The following ANKRD11 variants were observed in gnomAD, a reference collection of about 807,000 sequenced individuals.
The protein encoded by ANKRD11 is ankyrin repeat domain 11.
A neutral mutation model predicts 195.7 loss-of-function variants in ANKRD11; 17 were observed. The observed-to-expected ratio is 0.09, with a 90% CI of 0.06 to 0.13. The LOEUF (loss-of-function observed/expected upper bound fraction) is 0.13, where lower values mean the gene tolerates loss of function less well. Ranked by LOEUF, ANKRD11 falls within the 10% of genes least tolerant of loss-of-function variation. The pLI is 1.00. For missense variants in ANKRD11, 3,735 were observed against 3,566.1 expected (o/e 1.05, Z -1.21); for synonymous variants, 1,953 against 1,528.1 (o/e 1.28, Z -6.49).
chr16:89,449,874 A>G (rs1435792400), intron 1 of ANKRD11, among the ~76,000 whole-genome samples: 2 of 107,006 alleles, frequency 1.9e-5, no homozygotes, highest in South Asian at 3.0e-4. Context: ...AGGTGACATG[A>G]TCAAAGTCAT....
intron 4 of ANKRD11, among the ~76,000 whole-genome samples, chr16:89,296,091 C>T (rs552468546): frequency 1.3e-5 from 2 of 150,334 alleles, no homozygotes; most frequent in East Asian, 2.0e-4. Context: ...CAGGCTCAAG[C>T]GACCCTCCCA....
intron 1 of ANKRD11, among the ~76,000 whole-genome samples, chr16:89,424,175 C>A (rs181895357): frequency 1.3e-5 from 2 of 152,284 alleles, no homozygotes; most frequent in East Asian, 3.9e-4. Flanking sequence ...CCTGGCTGGG[C>A]GCAGTGGCTC....
intron 2 of ANKRD11, among the ~76,000 whole-genome samples, chr16:89,408,768 A>C (rs1490650980): frequency 6.6e-6 from 1 of 152,218 alleles, no homozygotes; most frequent in Non-Finnish European, 1.5e-5. Context: ...CCTGAATTCA[A>C]ACCCTACTTC....
chr16:89,397,915 C>T (rs918347216), intron 2 of ANKRD11, among the ~76,000 whole-genome samples: 4 of 152,232 alleles, frequency 2.6e-5, no homozygotes, highest in East Asian at 3.9e-4. Flanking sequence ...GCAGGTGCCT[C>T]GGGTGGCAAC....
At chr16:89,301,463 G>A (rs2035849266) in intron 4 of ANKRD11, 1 of 397,978 alleles carries the variant, frequency 2.5e-6, no homozygotes, top group African/African-American at 2.1e-5. Flanking sequence ...GGCAGACAGG[G>A]CAGGCAGAGC....
chr16:89,408,462 G>C (rs975539951), intron 2 of ANKRD11, among the ~76,000 whole-genome samples: 3 of 152,270 alleles, frequency 2.0e-5, no homozygotes, highest in Non-Finnish European at 4.4e-5. Context: ...CCCTGACCCT[G>C]AGCGTGGTGG....
chr16:89,411,540 A>G (rs1457337997), intron 2 of ANKRD11, among the ~76,000 whole-genome samples: 1 of 152,154 alleles, frequency 6.6e-6, no homozygotes, highest in Non-Finnish European at 1.5e-5. Flanking sequence ...CAACCTCCTG[A>G]GTAACCATGA....
At position 89,345,004 on chromosome 16, in the gene ANKRD11, G is replaced by A. The variant is rs114652429; in HGVS notation, c.-59-27926C>T. Among the ~76,000 whole-genome samples the A allele has an allele frequency of 6.0e-3, 913 of 152,296 alleles. 11 individuals are homozygous for A. The highest frequency in any genetic ancestry group is 0.021 in the African/African-American group (872 of 41,564). The stretch of plus-strand genomic sequence containing the variant: ...AACACAGCACACAGCAGAAGCAGGC[G>A]CAGATGAGGCAGGAGGAACGGCAAG... On this transcript the variant is annotated intron_variant, in intron 2 of 12. Coordinates refer to ENST00000301030, the MANE Select transcript of ANKRD11 (RefSeq NM_013275.6).
chr16:89,270,618 T>A (rs2033060068), intron 12 of ANKRD11, 199 bp downstream of exon 12: 4 of 630,302 alleles, frequency 6.3e-6, no homozygotes, highest in Non-Finnish European at 1.1e-5. Context: ...AAGGGAAGAC[T>A]GAGGAGGCCA....
At chr16:89,419,541 T>TG (rs2042429903) in intron 1 of ANKRD11, among the ~76,000 whole-genome samples, 1 of 151,730 alleles carries the variant, frequency 6.6e-6, no homozygotes, top group Non-Finnish European at 1.5e-5. Context: ...CCAGTCTAAA[T>TG]GGGGGAAAAA....
At chr16:89,347,943 T>C (rs1051958526) in intron 2 of ANKRD11, among the ~76,000 whole-genome samples, 1 of 142,728 alleles carries the variant, frequency 7.0e-6, no homozygotes, top group African/African-American at 2.7e-5. Context: ...GGATTTTGTC[T>C]TTTTTTTTTT....
chr16:89,278,342 C>T (rs1426550727), intron 9 of ANKRD11: 2 of 354,100 alleles, frequency 5.6e-6, no homozygotes, highest in Admixed American at 3.8e-5. Context: ...TCAGGCCCCG[C>T]GGCCCAGGGC....
chr16:89,277,656 G>T (rs988182231), intron 9 of ANKRD11: 1 of 152,314 alleles, frequency 6.6e-6, no homozygotes, highest in African/African-American at 2.4e-5. Context: ...GGGGACGGCT[G>T]GGGTCAGGCT....
At chr16:89,342,333 T>C (rs1261318175) in intron 2 of ANKRD11, among the ~76,000 whole-genome samples, 2 of 152,258 alleles carry the variant, frequency 1.3e-5, no homozygotes, top group Non-Finnish European at 2.9e-5. Context: ...CTTTGAAGGA[T>C]GCAGCCCATT....
At chr16:89,337,591 C>A (rs575248473) in intron 2 of ANKRD11, among the ~76,000 whole-genome samples, 33 of 151,948 alleles carry the variant, frequency 2.2e-4, no homozygotes, top group Non-Finnish European at 4.7e-4. Flanking sequence ...CGCCTGCCAC[C>A]ATGCCCAGAT....
intron 2 of ANKRD11, among the ~76,000 whole-genome samples, chr16:89,348,500 G>A (rs1270172362): frequency 6.6e-6 from 1 of 152,148 alleles, no homozygotes; most frequent in Non-Finnish European, 1.5e-5. Flanking sequence ...CTCTGTTGTG[G>A]AAGGGCTTCT....
chr16:89,479,629 C>T (rs547769357), intron 1 of ANKRD11, among the ~76,000 whole-genome samples: 14 of 84,304 alleles, frequency 1.7e-4, no homozygotes, highest in East Asian at 5.4e-4. Flanking sequence ...AGCGAAACTC[C>T]GCCCCCAAAA....
intron 2 of ANKRD11, among the ~76,000 whole-genome samples, chr16:89,399,985 G>T (rs1046101545): frequency 6.6e-6 from 1 of 151,040 alleles, no homozygotes; most frequent in Non-Finnish European, 1.5e-5. Flanking sequence ...GGCTTCCTGC[G>T]CTGGGGGCCG....
chr16:89,441,476 AC>A (rs1222976451), intron 1 of ANKRD11, among the ~76,000 whole-genome samples: 1 of 151,640 alleles, frequency 6.6e-6, no homozygotes, highest in Non-Finnish European at 1.5e-5. Flanking sequence ...ATTAAAAAAT[AC>A]GCAAACCTGG....
Sources: allele counts gnomAD v4.1 joint callset (sites outside exome capture counted in the v4.1 genomes callset), GRCh38; gene constraint gnomAD v4.1.1; transcripts MANE v1.5; gene names NCBI Gene and HGNC (gene_info 2026-07-23, HGNC 2026-07-21).